NUBPL: variants seen among roughly 807,000 people sequenced by gnomAD.
The protein encoded by NUBPL is iron-sulfur cluster transfer protein NUBPL.
In NUBPL, 31 loss-of-function variants were observed where a neutral mutation model predicts 45.7. That is an observed-to-expected ratio of 0.68 (90% confidence interval 0.51 to 0.92). NUBPL has a LOEUF of 0.92. Ranked by LOEUF, NUBPL falls within the 40% of genes least tolerant of loss-of-function variation. NUBPL has a pLI of 0.00. For synonymous variants in NUBPL, 144 were observed against 140.9 expected, an observed-to-expected ratio of 1.02 and a Z score of -0.15; for missense variants, 401 against 398.7, an observed-to-expected ratio of 1.01 and a Z score of -0.05.
At chr14:31,732,849 T>A (rs2038082351) in intron 6 of NUBPL, among the ~76,000 whole-genome samples, 1 of 152,120 alleles carries the variant, frequency 6.6e-6, no homozygotes, top group Non-Finnish European at 1.5e-5. Context: ...TGACCTCAAA[T>A]GATCTGCCCA....
intron 4 of NUBPL, among the ~76,000 whole-genome samples, chr14:31,635,137 T>TGGTGTTTTA (rs2042599332): frequency 6.7e-6 from 1 of 149,500 alleles, no homozygotes; most frequent in Non-Finnish European, 1.5e-5. Context: ...CCATTGCTTT[T>TGGTGTTTTA]GGTGTTTTAG....
intron 3 of NUBPL, among the ~76,000 whole-genome samples, chr14:31,596,123 A>T (rs1475234381): frequency 6.6e-6 from 1 of 151,864 alleles, no homozygotes; most frequent in Admixed American, 6.6e-5. Context: ...AGCCAGGATG[A>T]TTTTGATCTC....
chr14:31,563,330 T>TAAA (rs1171469373), intron 2 of NUBPL, among the ~76,000 whole-genome samples: 3 of 152,216 alleles, frequency 2.0e-5, no homozygotes, highest in Non-Finnish European at 4.4e-5. Flanking sequence ...GGCTGGCACT[T>TAAA]GTTTAAGATT....
rs60935772 is a variant in NUBPL, at chr14:31,626,237, A to G, written c.382+26858A>G. 3.1e-3 allele frequency among the ~76,000 whole-genome samples: 472 copies of G among 151,964 alleles called. 2 individuals carry two copies. Among genetic ancestry groups the G allele is most frequent in the African/African-American group, 0.011 (437 of 41,432 alleles). On this transcript the variant is annotated intron_variant, in intron 4 of 10. Transcript: ENST00000281081. ...CAGTGGTGTGATCTCTGCTCACTGC[A>G]AACTCTGCCTCCTGGGTTCAAGCGA...
intron 8 of NUBPL, among the ~76,000 whole-genome samples, chr14:31,831,169 T>C (rs1595689030): frequency 6.6e-6 from 1 of 151,526 alleles, no homozygotes; most frequent in South Asian, 2.1e-4. Context: ...TCAGCCTCCC[T>C]AGTAGCTGGG....
chr14:31,660,995 C>T (rs749647023), intron 4 of NUBPL, among the ~76,000 whole-genome samples: 2 of 152,128 alleles, frequency 1.3e-5, no homozygotes, highest in Non-Finnish European at 2.9e-5. Context: ...TTTTACCTAG[C>T]TCTTTAGTTT....
At chr14:31,773,133 C>T (rs1041849137) in intron 6 of NUBPL, among the ~76,000 whole-genome samples, 7 of 152,026 alleles carry the variant, frequency 4.6e-5, no homozygotes, top group African/African-American at 1.7e-4. Context: ...TTTATTGTGG[C>T]ATTTATATTT....
At chr14:31,596,028 TC>T in intron 3 of NUBPL, among the ~76,000 whole-genome samples, 1 of 151,586 alleles carries the variant, frequency 6.6e-6, no homozygotes, top group Middle Eastern at 3.4e-3. Flanking sequence ...TGCCTCAGCC[TC>T]CCGAGTAGCT....
chr14:31,678,265 C>A (rs1409265741), intron 6 of NUBPL, among the ~76,000 whole-genome samples: 1 of 152,188 alleles, frequency 6.6e-6, no homozygotes, highest in Non-Finnish European at 1.5e-5. Context: ...GACCTAGGAC[C>A]CCACATGGTG....
chr14:31,654,000 G>A, intron 4 of NUBPL: 1 of 418,208 alleles, frequency 2.4e-6, no homozygotes, highest in South Asian at 1.7e-5. Flanking sequence ...ATTTCATGGG[G>A]GAAGATATTA....
intron 6 of NUBPL, among the ~76,000 whole-genome samples, chr14:31,719,848 T>C (rs1267001016): frequency 6.6e-6 from 1 of 152,192 alleles, no homozygotes; most frequent in Middle Eastern, 3.2e-3. Flanking sequence ...GATAATGCTA[T>C]ACATGCTGCT....
At chr14:31,648,840 C>T (rs564750423) in intron 4 of NUBPL, among the ~76,000 whole-genome samples, 2 of 152,272 alleles carry the variant, frequency 1.3e-5, no homozygotes, top group Admixed American at 6.5e-5. Flanking sequence ...GAGACAGTCT[C>T]GTGTTTTCGC....
chr14:31,718,762 G>A (rs1033408515), intron 6 of NUBPL, among the ~76,000 whole-genome samples: 2 of 152,116 alleles, frequency 1.3e-5, no homozygotes, highest in Non-Finnish European at 2.9e-5. Flanking sequence ...GCCAGGTTTT[G>A]TTAAGTGCAA....
intron 7 of NUBPL, among the ~76,000 whole-genome samples, chr14:31,824,010 G>A (rs1200349475): frequency 6.6e-6 from 1 of 152,054 alleles, no homozygotes; most frequent in Non-Finnish European, 1.5e-5. Flanking sequence ...TTGAAAAGTA[G>A]GATGAGCTGC....
intron 4 of NUBPL, among the ~76,000 whole-genome samples, chr14:31,636,371 C>T (rs762259078): frequency 6.6e-6 from 1 of 152,068 alleles, no homozygotes; most frequent in Non-Finnish European, 1.5e-5. Context: ...GTCTTTGGTT[C>T]TGTTTATATG....
At chr14:31,788,892 T>C (rs1179778818) in intron 7 of NUBPL, among the ~76,000 whole-genome samples, 1 of 152,184 alleles carries the variant, frequency 6.6e-6, no homozygotes, top group African/African-American at 2.4e-5. Context: ...GAGGTGGTAG[T>C]ATAAATCTGT....
intron 4 of NUBPL, among the ~76,000 whole-genome samples, chr14:31,634,499 T>C (rs1260864893): frequency 2.0e-5 from 3 of 152,068 alleles, no homozygotes; most frequent in Admixed American, 6.6e-5. Flanking sequence ...TGTTGGACAT[T>C]TGGGTTGGTT....
intron 4 of NUBPL, among the ~76,000 whole-genome samples, chr14:31,611,744 TAAAG>T (rs199553876): frequency 0.014 from 2,181 of 151,986 alleles, 42 homozygotes; most frequent in African/African-American, 0.05. Flanking sequence ...TAGAACCAAA[TAAAG>T]AACCCAGAAA....
chr14:31,782,512 T>C (rs1161183173), intron 6 of NUBPL, among the ~76,000 whole-genome samples: 1 of 152,120 alleles, frequency 6.6e-6, no homozygotes, highest in Non-Finnish European at 1.5e-5. Context: ...GAAATCTTGC[T>C]GGGTGTGGTG....
Sources: gnomAD v4.1 joint callset for allele counts (sites outside exome capture counted in the v4.1 genomes callset) on GRCh38, gnomAD v4.1.1 for gene constraint, MANE v1.5 for transcripts, NCBI Gene and HGNC (gene_info 2026-07-23, HGNC 2026-07-21) for gene names.